The following ZNF674 variants were observed in gnomAD, a reference collection of about 807,000 sequenced individuals.
ZNF674 encodes zinc finger protein 674.
ZNF674 carries 2 observed loss-of-function variants against 7.0 expected under a neutral mutation model. The ratio of observed to expected loss-of-function variants is 0.29; its 90% CI spans 0.12 to 0.90. The LOEUF is 0.90. ZNF674 is among the 40% of genes least tolerant of loss of function. The pLI is 0.57. For synonymous variants in ZNF674, 103 were observed against 145.2 expected (o/e 0.71, Z 2.09); for missense variants, 297 against 415.5 (o/e 0.71, Z 2.48).
intron 5 of ZNF674, among the ~76,000 whole-genome samples, chrX:46,518,282 G>T (rs1407815586): frequency 1.8e-4 from 20 of 111,383 alleles, no homozygotes; most frequent in Non-Finnish European, 1.9e-5. Flanking sequence ...ACTGTCTGAG[G>T]GATTTAAAAT....
chrX:46,506,166 G>T (rs373496432), intron 5 of ZNF674, among the ~76,000 whole-genome samples: 1 of 112,047 alleles, frequency 8.9e-6, no homozygotes, highest in East Asian at 2.8e-4. Context: ...AACTTGGCTT[G>T]TGAAATATTC....
intron 3 of ZNF674, among the ~76,000 whole-genome samples, chrX:46,535,078 G>A (rs1300130607): frequency 1.8e-5 from 2 of 112,061 alleles, no homozygotes; most frequent in Non-Finnish European, 3.8e-5. Flanking sequence ...AAATTCAGAA[G>A]ACATACAGTC....
At chrX:46,523,045 T>G in intron 5 of ZNF674, 1 of 164,831 alleles carries the variant, frequency 6.1e-6, no homozygotes, top group South Asian at 1.0e-4. Flanking sequence ...AGGTGTTAGC[T>G]ATATATTTCT....
At chrX:46,512,922 C>T (rs1228549468) in intron 5 of ZNF674, among the ~76,000 whole-genome samples, 1 of 111,355 alleles carries the variant, frequency 9.0e-6, no homozygotes, top group African/African-American at 3.2e-5. Context: ...ACAAAGAATT[C>T]ATATAAAGCA....
In ZNF674 at chrX:46,544,549, C is replaced by T. The variant is rs1942345953; in HGVS notation, c.-78G>A. ...GTCTTCTGCGACTAAGTGGGGAAGC[C>T]GAGGCACAGATAAACTGGAGTCTGA... On this transcript the variant is annotated 5_prime_UTR_variant, in exon 2 of 6. Transcript: ENST00000683375. 8.9e-6 allele frequency: 1 copy of T among 112,022 alleles called. No homozygotes were observed. Among genetic ancestry groups the T allele is most frequent in the African/African-American group, 3.2e-5 (1 of 30,810 alleles). The allele number at this position is 112,022 out of a possible 1,213,427, so 9.2% of individuals were successfully genotyped here. A position where few individuals can be genotyped will look rare whatever the true frequency, so the allele number is the denominator to read the frequency against.
chrX:46,509,289 G>A (rs1447259407), intron 5 of ZNF674, among the ~76,000 whole-genome samples: 6 of 106,734 alleles, frequency 5.6e-5, no homozygotes, highest in African/African-American at 2.0e-4. Flanking sequence ...TTGACAAATG[G>A]GATCTAATTA....
rs756594562 is a variant in ZNF674 at position 46,504,853 on chromosome X, GTTTCT to G, written c.239-3523_239-3519del. On this transcript the variant is annotated intron_variant, in intron 5 of 5. Coordinates refer to ENST00000683375, the MANE Select transcript of ZNF674 (RefSeq NM_001190417.2). ...ACTTCAACTTTATTTGTAAACCTCT[GTTTCT>G]TTTCTTTTCTTTTTATTTTTTTAAT... is the stretch of plus-strand genomic sequence containing the variant. Among the ~76,000 whole-genome samples, 525 of 110,277 alleles carry G rather than the reference GTTTCT, an allele frequency of 4.8e-3. 5 individuals are homozygous for G. The highest frequency in any genetic ancestry group is 0.012 in the African/African-American group (377 of 30,441).
chrX:46,514,849 A>G (rs1268557627), intron 5 of ZNF674, among the ~76,000 whole-genome samples: 1 of 112,233 alleles, frequency 8.9e-6, no homozygotes, highest in Non-Finnish European at 1.9e-5. Context: ...AACACTGAGC[A>G]TGTTCTTTTT....
chrX:46,531,840 T>C (rs1379122410), intron 3 of ZNF674, among the ~76,000 whole-genome samples: 2 of 109,981 alleles, frequency 1.8e-5, no homozygotes, highest in African/African-American at 6.6e-5. Context: ...TAAAAAATAA[T>C]AAAATAAAAT....
rs188121306 is a variant in ZNF674 at position 46,533,798 on chromosome X, T to G, written c.16-4889A>C. ...CAGTCCTCCAGCCTGGGTGATAGAG[T>G]GAGACCCTGTCTCAAAAAAAAAAAA... On this transcript the variant is annotated intron_variant, in intron 3 of 5. Coordinates refer to ENST00000683375, the MANE Select transcript of ZNF674 (RefSeq NM_001190417.2). Among the ~76,000 whole-genome samples, 86 of 68,285 alleles carry G rather than the reference T, an allele frequency of 1.3e-3. 3 individuals carry two copies. In the South Asian group the frequency reaches 0.03, roughly 24 times the overall value. The allele number at this position is 68,285 out of a possible 115,157, so 59.3% of individuals were successfully genotyped here.
intron 3 of ZNF674, among the ~76,000 whole-genome samples, chrX:46,530,369 C>A (rs1942089663): frequency 9.0e-6 from 1 of 110,777 alleles, no homozygotes; most frequent in South Asian, 3.8e-4. Flanking sequence ...AACCACACTG[C>A]GGAGTGCTAG....
In ZNF674 at chrX:46,499,818, A is replaced by G. The variant is rs1329848622; in HGVS notation, c.*25T>C. 9.3e-7 allele frequency: 1 copy of G among 1,070,590 alleles called. No individual in the cohort carries two copies. The highest frequency in any genetic ancestry group is 1.9e-5 in the African/African-American group (1 of 53,554). 88.2% of individuals were successfully genotyped at this position (1,070,590 alleles called of 1,213,427 possible). Reference sequence around the variant, plus strand: ...AGTCAAATGACAAATAACTACTAGTATAATTATCCCACTCTCAAGTATAAT... The same window carrying G: ...AGTCAAATGACAAATAACTACTAGTGTAATTATCCCACTCTCAAGTATAAT... On this transcript the variant is annotated 3_prime_UTR_variant, in exon 6 of 6. Transcript: ENST00000683375.
chrX:46,509,500 AAAG>A (rs1230932738), intron 5 of ZNF674, among the ~76,000 whole-genome samples: 1 of 98,986 alleles, frequency 1.0e-5, no homozygotes, highest in Non-Finnish European at 2.0e-5. Context: ...ACACTTCTCA[AAAG>A]AAGACATTTA....
At chrX:46,539,250 C>T (rs962564885) in intron 3 of ZNF674, among the ~76,000 whole-genome samples, 2 of 112,441 alleles carry the variant, frequency 1.8e-5, no homozygotes, top group African/African-American at 6.5e-5. Context: ...TAAAATGCAC[C>T]ATTCTTATAT....
At chrX:46,520,475 G>A (rs892570170) in intron 5 of ZNF674, among the ~76,000 whole-genome samples, 1 of 111,492 alleles carries the variant, frequency 9.0e-6, no homozygotes, top group Non-Finnish European at 1.9e-5. Flanking sequence ...TATTTGATCT[G>A]TATAGATGTC....
chrX:46,517,968 C>A (rs1375257531), intron 5 of ZNF674: 1 of 109,244 alleles, frequency 9.2e-6, no homozygotes, highest in Non-Finnish European at 1.9e-5. Flanking sequence ...TGATGTACCC[C>A]ATAAACATAT....
At chrX:46,518,924 C>G (rs1941824994) in intron 5 of ZNF674, among the ~76,000 whole-genome samples, 1 of 99,454 alleles carries the variant, frequency 1.0e-5, no homozygotes, top group Admixed American at 1.1e-4. Context: ...ATAAATAGGG[C>G]AGGACACAGT....
chrX:46,516,187 C>T (rs1392806224), intron 5 of ZNF674, among the ~76,000 whole-genome samples: 1 of 111,714 alleles, frequency 9.0e-6, no homozygotes, highest in Non-Finnish European at 1.9e-5. Flanking sequence ...CTACTACAGC[C>T]TCTCCTACTG....
intron 3 of ZNF674, among the ~76,000 whole-genome samples, chrX:46,534,721 A>C (rs1942171894): frequency 9.1e-6 from 1 of 109,399 alleles, no homozygotes; most frequent in Non-Finnish European, 1.9e-5. Flanking sequence ...ATAATTTTAC[A>C]GTGGCTAAAA....
Sources: gnomAD v4.1 joint callset for allele counts (sites outside exome capture counted in the v4.1 genomes callset) on GRCh38, gnomAD v4.1.1 for gene constraint, MANE v1.5 for transcripts, NCBI Gene and HGNC (gene_info 2026-07-23, HGNC 2026-07-21) for gene names.